B4GALT6: variants seen among roughly 807,000 people sequenced by gnomAD.
B4GALT6 encodes UDP-Gal:beta-GlcNAc beta-1,4-galactosyltransferase 6.
B4GALT6 carries 14 observed loss-of-function variants against 46.3 expected under a neutral mutation model. The ratio of observed to expected loss-of-function variants is 0.30; its 90% CI spans 0.20 to 0.47. The LOEUF (loss-of-function observed/expected upper bound fraction) is 0.47, where lower values mean the gene tolerates loss of function less well. Among genes scored for constraint, B4GALT6 ranks in the 20% least tolerant of loss-of-function variants. B4GALT6 has a pLI of 0.99. For synonymous variants in B4GALT6, 168 were observed against 162.0 expected (o/e 1.04, Z -0.28); for missense variants, 386 against 480.1 (o/e 0.80, Z 1.83).
chr18:31,710,414 T>G, the B4GALT6 span, among the ~76,000 whole-genome samples: 647 of 152,264 alleles, frequency 4.2e-3, 3 homozygotes, highest in African/African-American at 0.015. Context: ...CATTACTCAA[T>G]TTGCAAAAAA....
chr18:31,683,245 T>C (rs1182695013), intron 1 of B4GALT6, among the ~76,000 whole-genome samples: 6 of 152,348 alleles, frequency 3.9e-5, no homozygotes, highest in East Asian at 1.9e-4. Context: ...CTCAAGACAA[T>C]GCCCTGATCA....
At position 31,631,089 on chromosome 18, in the gene B4GALT6, T is replaced by A; in HGVS notation, c.646A>T (p.Met216Leu). The change falls in exon 6 of 9, where the codon ATG becomes TTG. Residue 216 changes from methionine to leucine, a missense_variant. Met to Leu is a conservative substitution (Grantham distance 15). Around this residue, in one of 2 missense-constraint regions of B4GALT6, gnomAD observed 323 missense variants for 438.9 expected, o/e 0.74. Transcript: ENST00000306851. ...ACACAGTCCCAGACACTGTCTTTCA[T>A]GGCCTCTTTGAAGCCCACATTGAAA... ...MLFNVGFKEA[M>L]KDSVWDCVIF... is the part of the protein sequence containing the mutation. 1 of 1,614,186 alleles carries A rather than the reference T, an allele frequency of 6.2e-7. No individual in the cohort carries two copies. Among genetic ancestry groups the A allele is most frequent in the Non-Finnish European group, 8.5e-7 (1 of 1,180,024 alleles).
chr18:31,686,465 A>G (rs1361946889), upstream of B4GALT6: 2 of 152,208 alleles, frequency 1.3e-5, no homozygotes, highest in Non-Finnish European at 2.9e-5. Context: ...TTAAATGGAT[A>G]ACTGTGCATA....
At chr18:31,721,486 T>C in the B4GALT6 span, among the ~76,000 whole-genome samples, 1 of 152,258 alleles carries the variant, frequency 6.6e-6, no homozygotes, top group South Asian at 2.1e-4. Flanking sequence ...TGTGTCAACT[T>C]GACTAGGCAA....
At chr18:31,681,729 G>A (rs1359210599) in intron 1 of B4GALT6, among the ~76,000 whole-genome samples, 1 of 152,176 alleles carries the variant, frequency 6.6e-6, no homozygotes. Flanking sequence ...GACATACACA[G>A]GGCTCAGGAC....
At chr18:31,642,109 T>C (rs1264780764) in intron 4 of B4GALT6, among the ~76,000 whole-genome samples, 1 of 152,214 alleles carries the variant, frequency 6.6e-6, no homozygotes, top group Non-Finnish European at 1.5e-5. Context: ...GGCACTTGGT[T>C]AAAAATGCAA....
intron 4 of B4GALT6, among the ~76,000 whole-genome samples, chr18:31,644,372 T>C (rs969539550): frequency 2.0e-5 from 3 of 152,154 alleles, no homozygotes; most frequent in Admixed American, 6.5e-5. Context: ...GAAGAGTTCA[T>C]GGTAGATGAA....
In B4GALT6 at chr18:31,625,628, T is replaced by A; in HGVS notation, c.1135A>T (p.Ile379Phe). 6.2e-7 allele frequency: 1 copy of A among 1,613,354 alleles called. No individual in the cohort carries two copies. Among genetic ancestry groups the A allele is most frequent in the Non-Finnish European group, 8.5e-7 (1 of 1,179,678 alleles). ...SVNLMPELAP[I>F]EDY ...AGCCACTTCTTTTAATAGTCTTCGA[T>A]TGGAGCTAACTCTGGCATGAGGTTT... Residue 379 changes from isoleucine to phenylalanine, a missense_variant, in exon 9 of 9, where the codon ATC becomes TTC. Coordinates refer to ENST00000306851, the MANE Select transcript of B4GALT6 (RefSeq NM_004775.5).
the B4GALT6 span, among the ~76,000 whole-genome samples, chr18:31,698,006 A>G: frequency 5.3e-5 from 8 of 152,214 alleles, no homozygotes; most frequent in Middle Eastern, 3.4e-3. Context: ...TAAAGTCTGG[A>G]AAGTTCTCAG....
intron 3 of B4GALT6, 49 bp downstream of exon 3, chr18:31,657,925 CTG>C (rs776490893): frequency 1.4e-5 from 20 of 1,448,880 alleles, no homozygotes; most frequent in Non-Finnish European, 1.7e-5. Context: ...GTTTTTATGA[CTG>C]TATTGTAACA....
At chr18:31,699,655 A>G in the B4GALT6 span, among the ~76,000 whole-genome samples, 1 of 151,492 alleles carries the variant, frequency 6.6e-6, no homozygotes, top group Non-Finnish European at 1.5e-5. Flanking sequence ...AAAAAAAAAA[A>G]AAACCTGCTA....
intron 2 of B4GALT6, among the ~76,000 whole-genome samples, chr18:31,659,949 CTTTTTTT>C (rs35690268): frequency 1.6e-5 from 2 of 122,720 alleles, no homozygotes; most frequent in African/African-American, 3.3e-5. Context: ...GATTCTTTTC[CTTTTTTT>C]TTTTTTTTTT....
intron 5 of B4GALT6, among the ~76,000 whole-genome samples, chr18:31,635,305 A>G (rs2073844604): frequency 6.6e-6 from 1 of 152,128 alleles, no homozygotes; most frequent in Non-Finnish European, 1.5e-5. Flanking sequence ...GGGGAATTGA[A>G]GTTTACACAA....
At chr18:31,631,209 T>TTC (rs2073785149) in intron 5 of B4GALT6, 63 bp from the exon 6 acceptor site, 3 of 1,464,672 alleles carry the variant, frequency 2.0e-6, no homozygotes, top group African/African-American at 1.4e-5. Flanking sequence ...TCTTTTTTTT[T>TTC]TTTTTTCTTT....
At chr18:31,714,971 C>A in the B4GALT6 span, among the ~76,000 whole-genome samples, 1 of 152,188 alleles carries the variant, frequency 6.6e-6, no homozygotes, top group Admixed American at 6.5e-5. Flanking sequence ...CCAGTTAAAT[C>A]TGAGCTTGAG....
the B4GALT6 span, among the ~76,000 whole-genome samples, chr18:31,710,413 A>G: frequency 6.6e-6 from 1 of 152,182 alleles, no homozygotes; most frequent in Admixed American, 6.5e-5. Flanking sequence ...ACATTACTCA[A>G]TTTGCAAAAA....
intron 2 of B4GALT6, among the ~76,000 whole-genome samples, chr18:31,660,318 A>G (rs1030949597): frequency 5.3e-5 from 8 of 151,894 alleles, no homozygotes; most frequent in Admixed American, 5.2e-4. Context: ...TTTTGTTTTT[A>G]AAAAAAGGGC....
At chr18:31,677,600 T>A (rs2074428544) in intron 1 of B4GALT6, among the ~76,000 whole-genome samples, 1 of 152,238 alleles carries the variant, frequency 6.6e-6, no homozygotes, top group Non-Finnish European at 1.5e-5. Context: ...CTTGAATCGA[T>A]CTTCAACCTG....
At chr18:31,632,095 T>C (rs1292431653) in intron 5 of B4GALT6, among the ~76,000 whole-genome samples, 3 of 152,170 alleles carry the variant, frequency 2.0e-5, no homozygotes, top group African/African-American at 4.8e-5. Context: ...ACCAGTGTTT[T>C]AGCAACATTT....
Sources: gnomAD v4.1 joint callset for allele counts (sites outside exome capture counted in the v4.1 genomes callset) on GRCh38, gnomAD v4.1.1 for gene constraint, gnomAD v4.1.1 regional missense constraint, MANE v1.5 for transcripts, NCBI Gene and HGNC (gene_info 2026-07-23, HGNC 2026-07-21) for gene names.